Variants in HDAC9 observed in about 807,000 individuals in gnomAD.
HDAC9 encodes the protein histone deacetylase 9.
A neutral mutation model predicts 139.4 loss-of-function variants in HDAC9; 41 were observed. That is an observed-to-expected ratio of 0.29 (90% CI 0.23 to 0.38). The LOEUF (loss-of-function observed/expected upper bound fraction) is 0.38. Among genes scored for constraint, HDAC9 ranks in the 10% least tolerant of loss-of-function variants. The pLI, the probability that HDAC9 is intolerant of heterozygous loss-of-function variation, is 1.00. For missense variants in HDAC9, 1,147 were observed against 1,297.0 expected (o/e 0.88, Z 1.78); for synonymous variants, 517 against 476.2 (o/e 1.09, Z -1.12).
chr7:18,312,240 G>GA (rs1799365093), intron 1 of HDAC9, among the ~76,000 whole-genome samples: 1 of 152,158 alleles, frequency 6.6e-6, no homozygotes, highest in Non-Finnish European at 1.5e-5. Context: ...GCCATACAGT[G>GA]AAAAATCTAT....
chr7:18,841,733 C>T (rs1796597595), intron 21 of HDAC9, among the ~76,000 whole-genome samples: 1 of 152,120 alleles, frequency 6.6e-6, no homozygotes, highest in African/African-American at 2.4e-5. Context: ...TTGGCTTGGA[C>T]ATCTAAACTG....
chr7:18,647,949 G>C lies in HDAC9; in HGVS notation c.1200G>C (p.Gln400His). ...PPNSSHQALL[Q>H]HLLLKEQMRQ... is the part of the protein sequence containing the mutation. The stretch of plus-strand genomic sequence containing the variant: ...ACAGCAGCCACCAGGCTCTCCTGCA[G>C]CATTTATTATTGAAAGAACAAATGC... Residue 400 changes from glutamine (Q) to histidine (H), a missense_variant, in exon 10 of 26, where the codon CAG becomes CAC. Transcript: ENST00000686413. The C allele has an allele frequency of 6.2e-7, 1 of 1,612,414 alleles. No individual in the cohort carries two copies.
intron 1 of HDAC9, among the ~76,000 whole-genome samples, chr7:18,325,159 C>G (rs908749289): frequency 6.6e-6 from 1 of 152,056 alleles, no homozygotes; most frequent in Non-Finnish European, 1.5e-5. Flanking sequence ...ATAGTTTTGT[C>G]TATGAGATGA....
intron 1 of HDAC9, among the ~76,000 whole-genome samples, chr7:18,326,626 T>C (rs1312151078): frequency 6.6e-6 from 1 of 152,012 alleles, no homozygotes; most frequent in African/African-American, 2.4e-5. Context: ...GCTCCATCTA[T>C]AACTGTGATG....
At chr7:18,162,444 C>CT (rs530299353) in intron 2 of HDAC9, 61,563 of 886,302 alleles carry the variant, frequency 0.069, 1 homozygote, top group South Asian at 0.088. Context: ...TATGAAGGAA[C>CT]TTTTTTTTTT....
intron 22 of HDAC9, among the ~76,000 whole-genome samples, chr7:18,896,171 T>C (rs113064426): frequency 0.02 from 3,115 of 152,188 alleles, 103 homozygotes; most frequent in African/African-American, 0.072. Context: ...TATTTTCCAT[T>C]AGAGTCTTAT....
intron 22 of HDAC9, among the ~76,000 whole-genome samples, chr7:18,917,728 A>C (rs938951183): frequency 6.6e-6 from 1 of 152,030 alleles, no homozygotes; most frequent in Non-Finnish European, 1.5e-5. Flanking sequence ...GGGTGTTACT[A>C]TCCCCGATTT....
chr7:18,960,626 G>A (rs1006704155), intron 24 of HDAC9, among the ~76,000 whole-genome samples: 5 of 151,992 alleles, frequency 3.3e-5, no homozygotes, highest in Non-Finnish European at 7.4e-5. Context: ...CAAAATATGT[G>A]GTACCTAATT....
intron 17 of HDAC9, among the ~76,000 whole-genome samples, chr7:18,809,996 A>G (rs1450723101): frequency 1.3e-5 from 2 of 152,032 alleles, no homozygotes; most frequent in Non-Finnish European, 2.9e-5. Flanking sequence ...TGAACTACAA[A>G]TAAAATATAG....
rs529887050 is a variant in HDAC9, at chr7:18,128,638, G to T, written c.-96-33591G>T. On this transcript the variant is annotated intron_variant, in intron 1 of 12. Transcript: ENST00000417496. ...GGATCTGGAAAGGCTGTTCCCCAAG[G>T]TCTCTGCAGTCAGCCATGCACTTAG... Among the ~76,000 whole-genome samples, 12 of 152,178 alleles carry T rather than the reference G, an allele frequency of 7.9e-5. No individual in the cohort carries two copies. The South Asian group carries it at 1.9e-3, about 24-fold the overall frequency.
intron 16 of HDAC9, among the ~76,000 whole-genome samples, chr7:18,776,274 A>T (rs1466840500): frequency 6.6e-6 from 1 of 152,002 alleles, no homozygotes; most frequent in African/African-American, 2.4e-5. Flanking sequence ...GAAGCGCAGT[A>T]TCCAGCATCA....
At chr7:18,690,668 G>A (rs1782608506) in intron 12 of HDAC9, among the ~76,000 whole-genome samples, 1 of 151,868 alleles carries the variant, frequency 6.6e-6, no homozygotes. Flanking sequence ...AGTACACATT[G>A]TGCATGAATT....
chr7:18,478,162 C>G (rs1014147062), intron 1 of HDAC9, among the ~76,000 whole-genome samples: 3 of 152,046 alleles, frequency 2.0e-5, no homozygotes, highest in Admixed American at 2.0e-4. Context: ...AGCTCCGCCT[C>G]CCGGGTTCAC....
At chr7:18,910,298 A>G (rs1802630297) in intron 22 of HDAC9, among the ~76,000 whole-genome samples, 1 of 151,922 alleles carries the variant, frequency 6.6e-6, no homozygotes, top group African/African-American at 2.4e-5. Flanking sequence ...ATTTTCTCAT[A>G]TATTTTTGAA....
chr7:18,472,330 CAG>C (rs2128120953), intron 1 of HDAC9, among the ~76,000 whole-genome samples: 1 of 152,296 alleles, frequency 6.6e-6, no homozygotes, highest in South Asian at 2.1e-4. Context: ...GCCACCCAAA[CAG>C]AGTGGCCCAG....
chr7:18,718,745 T>A (rs1784907612), intron 12 of HDAC9, among the ~76,000 whole-genome samples: 1 of 152,174 alleles, frequency 6.6e-6, no homozygotes, highest in South Asian at 2.1e-4. Flanking sequence ...CAAGTACAAG[T>A]TTTTATGTGG....
intron 1 of HDAC9, among the ~76,000 whole-genome samples, chr7:18,293,981 ATGTATTAAAAGTCT>A (rs1388020110): frequency 6.6e-6 from 1 of 152,140 alleles, no homozygotes; most frequent in African/African-American, 2.4e-5. Context: ...TAATAATAAA[ATGTATTAAAAGTCT>A]TGAATAGATA....
intron 12 of HDAC9, among the ~76,000 whole-genome samples, chr7:18,676,543 G>T (rs116119199): frequency 6.6e-6 from 1 of 151,808 alleles, no homozygotes; most frequent in South Asian, 2.1e-4. Context: ...ATATATTTTG[G>T]TCATGAAGAT....
At chr7:18,310,993 CATTA>C (rs1799280318) in intron 1 of HDAC9, among the ~76,000 whole-genome samples, 4 of 151,816 alleles carry the variant, frequency 2.6e-5, no homozygotes, top group Admixed American at 2.6e-4. Flanking sequence ...TTTTTAATAT[CATTA>C]ATTAAATTGT....
Sources: allele counts gnomAD v4.1 joint callset (sites outside exome capture counted in the v4.1 genomes callset), GRCh38; gene constraint gnomAD v4.1.1; transcripts MANE v1.5; gene names NCBI Gene and HGNC (gene_info 2026-07-23, HGNC 2026-07-21).